Variants in ESRRG observed in about 807,000 individuals in gnomAD.
ESRRG encodes estrogen related receptor gamma.
Under a neutral mutation model 44.0 loss-of-function variants are expected in ESRRG, and 13 were observed. That is an observed-to-expected ratio of 0.30 (90% CI 0.19 to 0.47). The LOEUF is 0.47. Among genes scored for constraint, ESRRG ranks in the 20% least tolerant of loss-of-function variants. The pLI is 1.00. For synonymous variants in ESRRG, 215 were observed against 214.6 expected (o/e 1.00, Z -0.02); for missense variants, 395 against 580.6 (o/e 0.68, Z 3.29).
chr1:216,692,463 C>T (rs2079249899), intron 1 of ESRRG, among the ~76,000 whole-genome samples: 1 of 151,920 alleles, frequency 6.6e-6, no homozygotes, highest in African/African-American at 2.4e-5. Context: ...GTGTTCAAAG[C>T]TAAGTGTTAT....
chr1:216,838,318 G>T (rs1035812446), intron 2 of ESRRG, among the ~76,000 whole-genome samples: 5 of 152,040 alleles, frequency 3.3e-5, no homozygotes, highest in Non-Finnish European at 5.9e-5. Flanking sequence ...GGGTTTAGTT[G>T]GTTTTTCAGT....
intron 2 of ESRRG, among the ~76,000 whole-genome samples, chr1:216,885,983 TA>T (rs1048542206): frequency 4.0e-5 from 6 of 150,274 alleles, no homozygotes; most frequent in South Asian, 2.1e-4. Flanking sequence ...CCCTTTTTTT[TA>T]AAAAAAAAAC....
chr1:216,628,806 A>G (rs888047218), intron 3 of ESRRG, among the ~76,000 whole-genome samples: 5 of 152,146 alleles, frequency 3.3e-5, no homozygotes, highest in African/African-American at 1.2e-4. Context: ...AAACCCTTAA[A>G]TTGATTTCAA....
intron 2 of ESRRG, among the ~76,000 whole-genome samples, chr1:216,929,881 C>T (rs1239795810): frequency 6.6e-6 from 1 of 152,134 alleles, no homozygotes; most frequent in Non-Finnish European, 1.5e-5. Context: ...ACTGCCATGC[C>T]AGTCCTGCCA....
At chr1:216,754,794 A>G (rs2092342054) in intron 2 of ESRRG, among the ~76,000 whole-genome samples, 1 of 151,116 alleles carries the variant, frequency 6.6e-6, no homozygotes, top group South Asian at 2.1e-4. Context: ...AATCACATGA[A>G]CTTTCTCAAT....
chr1:216,563,851 A>C (rs1339012837), intron 5 of ESRRG, among the ~76,000 whole-genome samples: 1 of 152,228 alleles, frequency 6.6e-6, no homozygotes, highest in African/African-American at 2.4e-5. Flanking sequence ...AAAATAGTAC[A>C]TTAGGCTACC....
intron 1 of ESRRG, among the ~76,000 whole-genome samples, chr1:216,679,416 T>G (rs1040445226): frequency 7.2e-5 from 11 of 152,176 alleles, no homozygotes; most frequent in African/African-American, 2.7e-4. Flanking sequence ...CCTTTTAATT[T>G]AGAGCACTTA....
chr1:216,717,562 T>G (rs1328600781), intron 1 of ESRRG, among the ~76,000 whole-genome samples: 3 of 151,840 alleles, frequency 2.0e-5, no homozygotes, highest in African/African-American at 7.2e-5. Flanking sequence ...TAAAATGTTA[T>G]GCAAATAAAT....
intron 1 of ESRRG, among the ~76,000 whole-genome samples, chr1:217,030,634 T>A (rs1449257072): frequency 6.6e-6 from 1 of 152,220 alleles, no homozygotes; most frequent in African/African-American, 2.4e-5. Context: ...GTTATTTTTT[T>A]CTTTGCTCAC....
chr1:216,572,112 T>C, intron 3 of ESRRG, among the ~76,000 whole-genome samples: 1 of 152,184 alleles, frequency 6.6e-6, no homozygotes, highest in Non-Finnish European at 1.5e-5. Context: ...CTGTCTTCTA[T>C]GCATTGTCTA....
At chr1:216,664,968 G>A (rs1424953750) in intron 2 of ESRRG, among the ~76,000 whole-genome samples, 1 of 152,092 alleles carries the variant, frequency 6.6e-6, no homozygotes, top group East Asian at 1.9e-4. Flanking sequence ...AGAGATGGAA[G>A]CAACATAAAT....
chr1:216,680,987 A>G (rs2076945147), intron 1 of ESRRG, among the ~76,000 whole-genome samples: 1 of 151,916 alleles, frequency 6.6e-6, no homozygotes, highest in South Asian at 2.2e-4. Flanking sequence ...GCCAAAGAGA[A>G]TAAGCCCAAT....
At chr1:216,837,996 A>T (rs1016293121) in intron 2 of ESRRG, among the ~76,000 whole-genome samples, 3 of 152,154 alleles carry the variant, frequency 2.0e-5, no homozygotes. Flanking sequence ...ACCACAGCCT[A>T]GGTTTGGGAG....
intron 1 of ESRRG, among the ~76,000 whole-genome samples, chr1:216,986,666 G>C (rs921970664): frequency 7.3e-6 from 1 of 137,066 alleles, no homozygotes; most frequent in Non-Finnish European, 1.5e-5. Flanking sequence ...GGCAGAGATT[G>C]CAGTGAGCCA....
intron 3 of ESRRG, among the ~76,000 whole-genome samples, chr1:216,571,285 A>T (rs2060746173): frequency 6.6e-6 from 1 of 152,154 alleles, no homozygotes; most frequent in East Asian, 1.9e-4. Context: ...TCTACTAAAA[A>T]TATAAAATTT....
chr1:217,059,082 C>T (rs892328455), intron 1 of ESRRG, among the ~76,000 whole-genome samples: 1 of 148,518 alleles, frequency 6.7e-6, no homozygotes, highest in African/African-American at 2.5e-5. Flanking sequence ...TACTATATAT[C>T]CACAGGGATC....
chr1:217,081,827 C>T (rs2091790059), intron 1 of ESRRG, among the ~76,000 whole-genome samples: 1 of 152,152 alleles, frequency 6.6e-6, no homozygotes, highest in South Asian at 2.1e-4. Flanking sequence ...GTATTTACTA[C>T]CAAACATTGA....
chr1:216,618,841 T>G (rs1419749393), intron 3 of ESRRG, among the ~76,000 whole-genome samples: 2 of 152,204 alleles, frequency 1.3e-5, no homozygotes, highest in Non-Finnish European at 1.5e-5. Flanking sequence ...GAGAGATATA[T>G]GTAGGCACTC....
intron 3 of ESRRG, among the ~76,000 whole-genome samples, chr1:216,577,265 T>C (rs972836825): frequency 2.0e-5 from 3 of 152,048 alleles, no homozygotes; most frequent in Admixed American, 6.6e-5. Context: ...AAATCTTCCC[T>C]TCCTTCTTTT....
Sources: gnomAD v4.1 joint callset for allele counts (sites outside exome capture counted in the v4.1 genomes callset) on GRCh38, gnomAD v4.1.1 for gene constraint, MANE v1.5 for transcripts, NCBI Gene and HGNC (gene_info 2026-07-23, HGNC 2026-07-21) for gene names.